CLYBL: variants seen among roughly 807,000 people sequenced by gnomAD.
The protein encoded by CLYBL is citramalyl-CoA lyase, mitochondrial.
A neutral mutation model predicts 38.9 loss-of-function variants in CLYBL; 31 were observed. That is an observed-to-expected ratio of 0.80 (90% CI 0.60 to 1.08). The LOEUF is 1.08. CLYBL is among the 50% of genes least tolerant of loss of function. The pLI, the probability that CLYBL is intolerant of heterozygous loss-of-function variation, is 0.00. For missense variants in CLYBL, 434 were observed against 411.6 expected (o/e 1.05, Z -0.47); for synonymous variants, 171 against 158.6 (o/e 1.08, Z -0.59).
rs1217860895 is a variant in CLYBL, at chr13:99,805,569, G to A, written c.249+32559G>A. Among the ~76,000 whole-genome samples, 4 of 152,064 alleles carry A rather than the reference G, an allele frequency of 2.6e-5. No homozygotes were observed. In the East Asian group the frequency reaches 7.7e-4, roughly 29 times the overall value. On this transcript the variant is annotated intron_variant, in intron 2 of 8. Transcript: ENST00000339105. ...CCACGCCCTCAGGATACTAAAGCTG[G>A]GAGGAAGGAGGGGGTGGGGGAGGGG...
intron 8 of CLYBL, among the ~76,000 whole-genome samples, chr13:99,903,871 CAAAAT>C (rs1286270778): frequency 1.3e-5 from 2 of 152,014 alleles, no homozygotes; most frequent in African/African-American, 2.4e-5. Flanking sequence ...CCCATCTCTA[CAAAAT>C]AAAATTAAAT....
intron 1 of CLYBL, among the ~76,000 whole-genome samples, chr13:99,769,282 A>G (rs996806651): frequency 4.6e-5 from 7 of 152,182 alleles, no homozygotes; most frequent in African/African-American, 1.4e-4. Context: ...TTAATATCCA[A>G]GCCTTCCCCG....
intron 1 of CLYBL, among the ~76,000 whole-genome samples, chr13:99,704,597 C>T (rs1254399345): frequency 2.0e-5 from 3 of 152,136 alleles, no homozygotes; most frequent in African/African-American, 7.2e-5. Flanking sequence ...ACAGGGAAAC[C>T]GGCCTGTGTT....
At chr13:99,793,715 T>A (rs2138902947) in intron 2 of CLYBL, among the ~76,000 whole-genome samples, 1 of 152,226 alleles carries the variant, frequency 6.6e-6, no homozygotes, top group East Asian at 1.9e-4. Flanking sequence ...ATCAGCAAAG[T>A]CTCTTTTCAA....
intron 1 of CLYBL, among the ~76,000 whole-genome samples, chr13:99,704,767 C>T (rs1173011124): frequency 6.6e-6 from 1 of 152,200 alleles, no homozygotes; most frequent in Non-Finnish European, 1.5e-5. Flanking sequence ...TGGTAGTACA[C>T]TTCATTGTCC....
rs189413081 is a variant in CLYBL at position 99,672,761 on chromosome 13, C to A, written c.62+66004C>A. Reference sequence around the variant, plus strand: ...CTCCAGCCTGGGCAACAGAGCAAGACCCTGTCTCAAAAAATATATATTAAA... The same window carrying A: ...CTCCAGCCTGGGCAACAGAGCAAGAACCTGTCTCAAAAAATATATATTAAA... On this transcript the variant is annotated intron_variant, in intron 1 of 8. Coordinates refer to ENST00000339105, the MANE Select transcript of CLYBL (RefSeq NM_206808.5). Among the ~76,000 whole-genome samples the A allele has an allele frequency of 1.8e-4, 27 of 152,242 alleles. No individual in the cohort carries two copies. The East Asian group carries it at 5.0e-3, about 28-fold the overall frequency.
intron 1 of CLYBL, among the ~76,000 whole-genome samples, chr13:99,750,684 A>AG (rs1189689140): frequency 4.0e-5 from 6 of 151,442 alleles, no homozygotes; most frequent in African/African-American, 1.5e-4. Context: ...AAAAAAAAAA[A>AG]AAAGAAAGAA....
chr13:99,760,878 GTTCTT>G (rs1421117870), intron 1 of CLYBL, among the ~76,000 whole-genome samples: 6 of 152,138 alleles, frequency 3.9e-5, no homozygotes, highest in African/African-American at 1.2e-4. Context: ...AACCATTTCA[GTTCTT>G]TTCTTCTAGC....
intron 1 of CLYBL, among the ~76,000 whole-genome samples, chr13:99,655,767 C>T (rs1594104102): frequency 6.6e-6 from 1 of 152,190 alleles, no homozygotes; most frequent in East Asian, 1.9e-4. Context: ...GATGGCCTGA[C>T]ATCATGAACA....
chr13:99,609,269 C>T (rs927379299), intron 1 of CLYBL, among the ~76,000 whole-genome samples: 33 of 147,106 alleles, frequency 2.2e-4, no homozygotes, highest in African/African-American at 7.5e-4. Context: ...CTCTGACTCC[C>T]GGGTTCAAGC....
At position 99,891,320 on chromosome 13, in the gene CLYBL, G is replaced by T; in HGVS notation, c.930G>T (p.Gly310=). 1.2e-6 allele frequency: 2 copies of T among 1,610,906 alleles called. No homozygotes were observed. The highest frequency in any genetic ancestry group is 8.5e-7 in the Non-Finnish European group (1 of 1,177,258). The change falls in exon 8 of 9, where the codon GGG becomes GGT. Residue 310 remains glycine (G), a splice_region_variant and synonymous_variant. Transcript: ENST00000339105. ...AFKEHQQLGK[G]AFTFQGSMID... ...AGTTTGTATTCTCTGTTTTCCAGGG[G>T]GCCTTTACTTTCCAAGGGAGTATGA...
At chr13:99,799,607 G>A (rs2050091602) in intron 2 of CLYBL, among the ~76,000 whole-genome samples, 1 of 102,148 alleles carries the variant, frequency 9.8e-6, no homozygotes. Flanking sequence ...CATCAATCAT[G>A]TGTGTATCTG....
chr13:99,832,088 A>G (rs960418566), intron 2 of CLYBL, among the ~76,000 whole-genome samples: 2 of 152,218 alleles, frequency 1.3e-5, no homozygotes, highest in Non-Finnish European at 2.9e-5. Context: ...AATAGCTTAC[A>G]GTGTTTGCGG....
intron 2 of CLYBL, among the ~76,000 whole-genome samples, chr13:99,829,841 T>C (rs970091105): frequency 1.3e-5 from 2 of 152,108 alleles, no homozygotes; most frequent in East Asian, 3.9e-4. Flanking sequence ...CTCGCTTGAG[T>C]GTATAAGCTC....
At chr13:99,714,216 C>T (rs1451958638) in intron 1 of CLYBL, among the ~76,000 whole-genome samples, 1 of 152,140 alleles carries the variant, frequency 6.6e-6, no homozygotes, top group Non-Finnish European at 1.5e-5. Flanking sequence ...TTTGCATTGT[C>T]CGTTTCTCTT....
At chr13:99,807,934 C>T (rs1198526068) in intron 2 of CLYBL, among the ~76,000 whole-genome samples, 1 of 152,084 alleles carries the variant, frequency 6.6e-6, no homozygotes, top group Non-Finnish European at 1.5e-5. Flanking sequence ...GAAGGTTCCT[C>T]CTCAAAGCGG....
In CLYBL at chr13:99,839,436, C is replaced by A. The variant is rs114962535; in HGVS notation, c.250-19425C>A. On this transcript the variant is annotated intron_variant, in intron 2 of 8. Coordinates refer to ENST00000339105, the MANE Select transcript of CLYBL (RefSeq NM_206808.5). ...GGCAGGGCTCTTGCCTTGGCCAGAG[C>A]TCCTGAGGTAACTATGAAGACTCTT... Among the ~76,000 whole-genome samples, 554 of 152,356 alleles carry A rather than the reference C, an allele frequency of 3.6e-3. 5 individuals are homozygous for A. Among genetic ancestry groups the A allele is most frequent in the African/African-American group, 0.013 (527 of 41,586 alleles).
intron 8 of CLYBL, 41 bp downstream of exon 8, chr13:99,891,478 A>T: frequency 8.7e-7 from 1 of 1,144,736 alleles, no homozygotes; most frequent in Non-Finnish European, 1.3e-6. Context: ...AAGACAAACC[A>T]CAATACTCAA....
chr13:99,844,045 G>A (rs1367657544), intron 2 of CLYBL, among the ~76,000 whole-genome samples: 2 of 152,298 alleles, frequency 1.3e-5, no homozygotes, highest in South Asian at 4.1e-4. Context: ...GTGACAGAAT[G>A]CATGTGCAGT....
Sources: gnomAD v4.1 joint callset for allele counts (sites outside exome capture counted in the v4.1 genomes callset) on GRCh38, gnomAD v4.1.1 for gene constraint, MANE v1.5 for transcripts, NCBI Gene and HGNC (gene_info 2026-07-23, HGNC 2026-07-21) for gene names.